ATP2C1: variants seen among roughly 807,000 people sequenced by gnomAD.
ATP2C1 encodes the protein calcium-transporting ATPase type 2C member 1.
Under a neutral mutation model 120.5 loss-of-function variants are expected in ATP2C1, and 31 were observed. That is an observed-to-expected ratio of 0.26 (90% CI 0.19 to 0.35). The LOEUF (loss-of-function observed/expected upper bound fraction) is 0.35, where lower values mean the gene tolerates loss of function less well. ATP2C1 is among the 10% of genes least tolerant of loss of function. ATP2C1 has a pLI of 1.00. For missense variants in ATP2C1, 731 were observed against 1,107.5 expected (o/e 0.66, Z 4.83); for synonymous variants, 351 against 358.7 (o/e 0.98, Z 0.24).
chr3:130,959,812 A>G lies in ATP2C1; in HGVS notation c.899+471A>G, dbSNP rs141497166. 9.1e-4 allele frequency among the ~76,000 whole-genome samples: 139 copies of G among 152,222 alleles called. 1 individual carries two copies. Among genetic ancestry groups the G allele is most frequent in the African/African-American group, 3.1e-3 (130 of 41,572 alleles). On this transcript the variant is annotated intron_variant, in intron 12 of 27. Coordinates refer to ENST00000510168, the MANE Select transcript of ATP2C1 (RefSeq NM_001378687.1). ...CAGAGAACAAAAAGAGTTTTTAGAA[A>G]TTAAGATTATGATTGTTGAAATTAA...
At chr3:130,998,531 T>A in intron 26 of ATP2C1, 142 bp downstream of exon 26, 1 of 696,436 alleles carries the variant, frequency 1.4e-6, no homozygotes, top group Admixed American at 2.1e-5. Flanking sequence ...AGCCTTCTTA[T>A]AAACATGTGC....
At chr3:130,875,552 T>C (rs1035180376) in intron 1 of ATP2C1, among the ~76,000 whole-genome samples, 2 of 152,218 alleles carry the variant, frequency 1.3e-5, no homozygotes, top group African/African-American at 4.8e-5. Flanking sequence ...TTTGATTCCA[T>C]TATCTTGGCT....
chr3:130,893,987 G>C (rs28362548), upstream of ATP2C1: 1 of 985,488 alleles, frequency 1.0e-6, no homozygotes, highest in Non-Finnish European at 1.2e-6. Context: ...GGAAGTAATA[G>C]TGACAAAGCT....
intron 2 of ATP2C1, among the ~76,000 whole-genome samples, chr3:130,924,913 C>T (rs1446670262): frequency 6.6e-6 from 1 of 151,982 alleles, no homozygotes; most frequent in East Asian, 1.9e-4. Flanking sequence ...CCTTGATTTC[C>T]AGAAGTTGTG....
downstream of ATP2C1, chr3:131,003,349 A>G (rs532112989): frequency 2.3e-5 from 5 of 213,652 alleles, no homozygotes; most frequent in South Asian, 6.6e-4. Context: ...GATGAGTTAA[A>G]TGGGCTAGTA....
intron 12 of ATP2C1, 174 bp downstream of exon 12, chr3:130,959,515 T>C: frequency 2.1e-6 from 1 of 475,448 alleles, no homozygotes; most frequent in East Asian, 3.4e-5. Flanking sequence ...AAAATGAAAA[T>C]GTATGTATAT....
intron 2 of ATP2C1, among the ~76,000 whole-genome samples, chr3:130,911,577 G>C (rs1439696984): frequency 6.6e-6 from 1 of 151,816 alleles, no homozygotes; most frequent in Non-Finnish European, 1.5e-5. Flanking sequence ...GCTTTCTCTT[G>C]TGGGCATTTA....
chr3:130,989,288 G>A (rs1336630563), intron 20 of ATP2C1, among the ~76,000 whole-genome samples: 1 of 149,550 alleles, frequency 6.7e-6, no homozygotes, highest in African/African-American at 2.5e-5. Flanking sequence ...CAAAAAAACG[G>A]CTGGGTGTGG....
At chr3:130,989,093 A>G (rs2062168273) in intron 20 of ATP2C1, among the ~76,000 whole-genome samples, 1 of 152,102 alleles carries the variant, frequency 6.6e-6, no homozygotes. Flanking sequence ...TCTACTAAAA[A>G]TACAAAAAGT....
chr3:130,979,104 T>TAA, intron 18 of ATP2C1, 145 bp from the exon 19 acceptor site: 1 of 774,696 alleles, frequency 1.3e-6, no homozygotes, highest in Non-Finnish European at 2.1e-6. Flanking sequence ...TTTTGGTCTG[T>TAA]AATCATTTTG....
At chr3:130,957,991 TA>T (rs1407899861) in intron 11 of ATP2C1, among the ~76,000 whole-genome samples, 1 of 152,210 alleles carries the variant, frequency 6.6e-6, no homozygotes, top group Admixed American at 6.5e-5. Context: ...TATGCCCTCA[TA>T]ACTTCTTCCG....
intron 20 of ATP2C1, among the ~76,000 whole-genome samples, chr3:130,989,579 A>C (rs1022656771): frequency 3.9e-5 from 6 of 152,048 alleles, no homozygotes; most frequent in Admixed American, 6.5e-5. Flanking sequence ...AAAAAAAAAA[A>C]AAAACACAAA....
intron 17 of ATP2C1, among the ~76,000 whole-genome samples, chr3:130,972,542 A>G (rs1280931534): frequency 1.3e-5 from 2 of 150,342 alleles, no homozygotes; most frequent in Admixed American, 6.6e-5. Flanking sequence ...TTACATATGT[A>G]TACATGTGCC....
intron 18 of ATP2C1, among the ~76,000 whole-genome samples, chr3:130,978,395 G>A (rs2061618364): frequency 6.6e-6 from 1 of 152,002 alleles, no homozygotes; most frequent in South Asian, 2.1e-4. Flanking sequence ...TAGTTTGTAT[G>A]TGCATGTTAC....
At chr3:130,850,901 G>A (rs771530785) in exon 1 of ATP2C1, 12 of 1,416,652 alleles carry the variant, frequency 8.5e-6, no homozygotes, top group South Asian at 8.0e-5. Context: ...ATTTATCGAC[G>A]CTGAGAAACC....
chr3:130,932,990 T>C (rs765793800), intron 4 of ATP2C1, among the ~76,000 whole-genome samples: 3 of 152,194 alleles, frequency 2.0e-5, no homozygotes, highest in Non-Finnish European at 4.4e-5. Flanking sequence ...TGGAATATTA[T>C]TTATATGTGT....
chr3:130,997,572 T>C (rs1477660592), intron 24 of ATP2C1, 34 bp from the exon 25 acceptor site: 4 of 1,606,024 alleles, frequency 2.5e-6, no homozygotes, highest in Non-Finnish European at 3.4e-6. Context: ...ACCTTAAAAC[T>C]TGAAAGTAAT....
At chr3:130,853,227 C>T (rs1309627922) in intron 1 of ATP2C1, among the ~76,000 whole-genome samples, 1 of 152,094 alleles carries the variant, frequency 6.6e-6, no homozygotes, top group Non-Finnish European at 1.5e-5. Context: ...ATACTATTGC[C>T]TGTAAAACCT....
chr3:131,003,994 C>G (rs1434813962), downstream of ATP2C1, among the ~76,000 whole-genome samples: 1 of 152,156 alleles, frequency 6.6e-6, no homozygotes, highest in Admixed American at 6.5e-5. Context: ...AACTGGTTAT[C>G]TTTTCATTAC....
Sources: allele counts gnomAD v4.1 joint callset (sites outside exome capture counted in the v4.1 genomes callset), GRCh38; gene constraint gnomAD v4.1.1; transcripts MANE v1.5; gene names NCBI Gene and HGNC (gene_info 2026-07-23, HGNC 2026-07-21).